Variants in ZYG11B observed in about 807,000 individuals in gnomAD.
ZYG11B encodes the protein zyg-11 family member B, cell cycle regulator.
Under a neutral mutation model 82.4 loss-of-function variants are expected in ZYG11B, and 36 were observed. The ratio of observed to expected loss-of-function variants is 0.44; its 90% CI spans 0.33 to 0.58. The LOEUF (loss-of-function observed/expected upper bound fraction) is 0.58, where lower values mean the gene tolerates loss of function less well. Among genes scored for constraint, ZYG11B ranks in the 20% least tolerant of loss-of-function variants. The pLI, the probability that ZYG11B is intolerant of heterozygous loss-of-function variation, is 0.02. For synonymous variants in ZYG11B, 303 were observed against 312.8 expected (o/e 0.97, Z 0.33); for missense variants, 552 against 895.6 (o/e 0.62, Z 4.90).
intron 4 of ZYG11B, among the ~76,000 whole-genome samples, chr1:52,783,886 G>GTGTGTGTATA (rs1644884360): frequency 7.3e-6 from 1 of 136,586 alleles, no homozygotes; most frequent in African/African-American, 2.8e-5. Flanking sequence ...GTGTGTATAT[G>GTGTGTGTATA]TACATACACG....
At chr1:52,780,697 TC>T (rs1163576863) in intron 4 of ZYG11B, among the ~76,000 whole-genome samples, 1 of 152,124 alleles carries the variant, frequency 6.6e-6, no homozygotes, top group Non-Finnish European at 1.5e-5. Flanking sequence ...GGCCTCAAAC[TC>T]CTGGGCTCAA....
chr1:52,813,617 A>G lies in ZYG11B; in HGVS notation c.1777A>G (p.Ser593Gly). The G allele has an allele frequency of 1.2e-6, 2 of 1,613,938 alleles. No homozygotes were observed. The highest frequency in any genetic ancestry group is 1.7e-6 in the Non-Finnish European group (2 of 1,179,868). The change falls in exon 11 of 14, where the codon AGT becomes GGT. Residue 593 changes from serine to glycine, a missense_variant. Coordinates refer to ENST00000294353, the MANE Select transcript of ZYG11B (RefSeq NM_024646.3). ...FIDHISSLLH[S>G]VEVEVSYFAA... ...AGACCACATCAGTAGTCTCCTACAC[A>G]GTGTGGAAGTGGAAGTCAGTTACTT...
chr1:52,779,533 C>T (rs1644837848), intron 3 of ZYG11B, among the ~76,000 whole-genome samples: 1 of 152,174 alleles, frequency 6.6e-6, no homozygotes, highest in African/African-American at 2.4e-5. Flanking sequence ...CTGTGTTGCC[C>T]AGGCTGGAGT....
intron 1 of ZYG11B, among the ~76,000 whole-genome samples, chr1:52,737,482 A>G (rs993125307): frequency 1.3e-5 from 2 of 152,140 alleles, no homozygotes; most frequent in East Asian, 1.9e-4. Flanking sequence ...TGAACTGAAC[A>G]ATATTGGCTG....
At chr1:52,818,467 C>G (rs141409848) in intron 13 of ZYG11B, among the ~76,000 whole-genome samples, 5,630 of 151,228 alleles carry the variant, frequency 0.037, 323 homozygotes, top group African/African-American at 0.13. Context: ...GAGTGAGACT[C>G]TGTCTCAAAA....
Position 52,770,090 on chromosome 1 carries a change from ATAT to A in ZYG11B, c.197-928_197-926del, listed in dbSNP as rs1180574115. Among the ~76,000 whole-genome samples the A allele has an allele frequency of 7.6e-3, 538 of 71,046 alleles. 4 individuals carry two copies. Among genetic ancestry groups the A allele is most frequent in the African/African-American group, 0.025 (520 of 20,684 alleles). The allele number at this position is 71,046 out of a possible 152,430, so 46.6% of individuals were successfully genotyped here. On this transcript the variant is annotated intron_variant, in intron 2 of 13. Coordinates refer to ENST00000294353, the MANE Select transcript of ZYG11B (RefSeq NM_024646.3). ...GTAACTACTATATATATATATATATATATTTTTTTTTTTTTTTCAGAGACAGGT... is the reference window on the plus strand; with the variant it reads ...GTAACTACTATATATATATATATATATTTTTTTTTTTTTTCAGAGACAGGT...
chr1:52,742,044 A>G (rs1480063544), intron 1 of ZYG11B, among the ~76,000 whole-genome samples: 2 of 152,268 alleles, frequency 1.3e-5, no homozygotes, highest in East Asian at 1.9e-4. Context: ...TTCTGGCCCA[A>G]TCTTTAGAAA....
Position 52,816,542 on chromosome 1 carries a change from C to G in ZYG11B, c.1957C>G (p.Pro653Ala). 1 of 1,610,154 alleles carries G rather than the reference C, an allele frequency of 6.2e-7. No homozygotes were observed. Among genetic ancestry groups the G allele is most frequent in the Non-Finnish European group, 8.5e-7 (1 of 1,178,422 alleles). The change falls in exon 13 of 14, where the codon CCA becomes GCA. Residue 653 changes from proline (P) to alanine (A), a missense_variant. Coordinates refer to ENST00000294353, the MANE Select transcript of ZYG11B (RefSeq NM_024646.3). ...CTTTTGAACCTTTAGGTCCTTTAAT[C>G]CATTTTTCCCATTACTTGGCTGTTT... ...CEMVAYRSFN[P>A]FFPLLGCFTT...
intron 2 of ZYG11B, among the ~76,000 whole-genome samples, chr1:52,763,213 T>C (rs1644649635): frequency 6.6e-6 from 1 of 152,338 alleles, no homozygotes; most frequent in South Asian, 2.1e-4. Context: ...ATAGTATATT[T>C]TGAAGTCTGG....
At chr1:52,774,716 C>G (rs1266160285) in intron 3 of ZYG11B, among the ~76,000 whole-genome samples, 1 of 150,610 alleles carries the variant, frequency 6.6e-6, no homozygotes, top group African/African-American at 2.5e-5. Context: ...GTGTAAGCCC[C>G]TGAGCCTAGC....
At chr1:52,813,142 A>G (rs11206024) in intron 10 of ZYG11B, among the ~76,000 whole-genome samples, 5,652 of 152,242 alleles carry the variant, frequency 0.037, 325 homozygotes, top group African/African-American at 0.13. Flanking sequence ...GTGTGACTTT[A>G]GGATTTATTC....
At chr1:52,783,895 CGT>C (rs764675732) in intron 4 of ZYG11B, among the ~76,000 whole-genome samples, 1 of 115,232 alleles carries the variant, frequency 8.7e-6, no homozygotes, top group Non-Finnish European at 1.6e-5. Flanking sequence ...TGTACATACA[CGT>C]GTGTGTATAT....
intron 1 of ZYG11B, among the ~76,000 whole-genome samples, chr1:52,755,992 G>A (rs1644573002): frequency 6.6e-6 from 1 of 152,072 alleles, no homozygotes; most frequent in African/African-American, 2.4e-5. Context: ...TGGAGATGGG[G>A]TTTTGCCATG....
intron 8 of ZYG11B, among the ~76,000 whole-genome samples, chr1:52,800,439 C>T (rs1038279534): frequency 4.0e-5 from 6 of 151,858 alleles, no homozygotes; most frequent in African/African-American, 1.5e-4. Flanking sequence ...TATATATGTA[C>T]CTCAGTAATT....
Position 52,776,229 on chromosome 1 carries a change from A to AAAAAATATATAT in ZYG11B, c.952-3623_952-3622insAAAATATATATA. Among the ~76,000 whole-genome samples the AAAAAATATATAT allele has an allele frequency of 2.5e-4, 6 of 23,536 alleles. 1 individual carries two copies. Among genetic ancestry groups the AAAAAATATATAT allele is most frequent in the Non-Finnish European group, 3.5e-4 (3 of 8,662 alleles). The allele number at this position is 23,536 out of a possible 152,430, so 15.4% of individuals were successfully genotyped here. On this transcript the variant is annotated intron_variant, in intron 3 of 13. Transcript: ENST00000294353. ...AGCAAAACTCTGTCTTAAAAAAAAA[A>AAAAAATATATAT]ATATATATATATATATGCAATAAAG...
At chr1:52,785,181 A>G in intron 5 of ZYG11B, 128 bp downstream of exon 5, 7 of 995,576 alleles carry the variant, frequency 7.0e-6, no homozygotes, top group Non-Finnish European at 1.0e-5. Context: ...ACTGAGTGTA[A>G]GAAAACAGAG....
intron 5 of ZYG11B, among the ~76,000 whole-genome samples, chr1:52,787,667 C>A (rs1644925203): frequency 6.6e-6 from 1 of 152,158 alleles, no homozygotes; most frequent in African/African-American, 2.4e-5. Flanking sequence ...CTTACAGAAT[C>A]ATCTATATCA....
Position 52,786,325 on chromosome 1 carries a change from A to G in ZYG11B, c.1269+1272A>G, listed in dbSNP as rs150866233. Among the ~76,000 whole-genome samples the G allele has an allele frequency of 2.5e-3, 377 of 152,316 alleles. 2 individuals are homozygous for G. The highest frequency in any genetic ancestry group is 8.3e-3 in the African/African-American group (347 of 41,568). ...TTCTGGGGTGATGGAAATGTTTGGGATGATGAAATTGTGATGGTTGCACAA... is the reference window on the plus strand; with the variant it reads ...TTCTGGGGTGATGGAAATGTTTGGGGTGATGAAATTGTGATGGTTGCACAA... On this transcript the variant is annotated intron_variant, in intron 5 of 13. Coordinates refer to ENST00000294353, the MANE Select transcript of ZYG11B (RefSeq NM_024646.3).
chr1:52,727,460 A>G (rs986543871), intron 1 of ZYG11B, among the ~76,000 whole-genome samples: 4 of 152,166 alleles, frequency 2.6e-5, no homozygotes, highest in African/African-American at 9.7e-5. Context: ...CTCAGGAGAG[A>G]TCTAGTCTTT....
Sources: gnomAD v4.1 joint callset for allele counts (sites outside exome capture counted in the v4.1 genomes callset) on GRCh38, gnomAD v4.1.1 for gene constraint, MANE v1.5 for transcripts, NCBI Gene and HGNC (gene_info 2026-07-23, HGNC 2026-07-21) for gene names.